The following TARS3 variants were observed in gnomAD, a reference collection of about 807,000 sequenced individuals.
TARS3 encodes threonyl-tRNA synthetase 3, also known as threonine--tRNA ligase 2, cytoplasmic.
A neutral mutation model predicts 103.5 loss-of-function variants in TARS3; 94 were observed. The ratio of observed to expected loss-of-function variants is 0.91; its 90% CI spans 0.77 to 1.08. The LOEUF (loss-of-function observed/expected upper bound fraction) is 1.08. TARS3 is among the 50% of genes least tolerant of loss of function. The pLI, the probability that TARS3 is intolerant of heterozygous loss-of-function variation, is 0.00. For synonymous variants in TARS3, 416 were observed against 355.4 expected, an observed-to-expected ratio of 1.17 and a Z score of -1.92; for missense variants, 952 against 995.2, an observed-to-expected ratio of 0.96 and a Z score of 0.58.
intron 10 of TARS3, among the ~76,000 whole-genome samples, chr15:101,700,642 AC>A (rs947930740): frequency 3.5e-5 from 5 of 144,474 alleles, no homozygotes; most frequent in African/African-American, 1.0e-4. Context: ...CTAGTACCTC[AC>A]TTTTTTTTTT....
Position 101,701,080 on chromosome 15 carries a change from A to G in TARS3, c.1320+6T>C. 6.6e-7 allele frequency: 1 copy of G among 1,508,072 alleles called. No individual in the cohort carries two copies. The highest frequency in any genetic ancestry group is 1.3e-5 in the South Asian group (1 of 76,788). 93.4% of individuals were successfully genotyped at this position (1,508,072 alleles called of 1,614,324 possible). ...ATAAGAATAAAACATTTTAAAGTTA[A>G]CTTACTCGTATGAAATCTGTAAGCG... On this transcript the variant is annotated splice_donor_region_variant and intron_variant, in intron 10 of 18. Coordinates refer to ENST00000335968, the MANE Select transcript of TARS3 (RefSeq NM_152334.3).
At chr15:101,690,970 G>A (rs1596307913) in intron 10 of TARS3, among the ~76,000 whole-genome samples, 2 of 151,662 alleles carry the variant, frequency 1.3e-5, no homozygotes, top group Admixed American at 6.6e-5. Context: ...ATGGAGTCTC[G>A]CTCTGTCACA....
intron 10 of TARS3, among the ~76,000 whole-genome samples, chr15:101,695,324 A>G (rs1898917733): frequency 6.6e-6 from 1 of 152,100 alleles, no homozygotes; most frequent in Admixed American, 6.5e-5. Flanking sequence ...TAGTTTTGGC[A>G]TTTCTGAAAT....
intron 3 of TARS3, among the ~76,000 whole-genome samples, chr15:101,716,613 T>C (rs1385541264): frequency 2.0e-5 from 3 of 152,132 alleles, no homozygotes; most frequent in Non-Finnish European, 4.4e-5. Flanking sequence ...TATGGGTACT[T>C]TGGGGGACGA....
chr15:101,699,897 T>C (rs964945256), intron 10 of TARS3, among the ~76,000 whole-genome samples: 1 of 152,072 alleles, frequency 6.6e-6, no homozygotes, highest in African/African-American at 2.4e-5. Context: ...CGAAGAGATA[T>C]ACAGGGACCA....
chr15:101,715,875 C>T (rs1442743029), intron 3 of TARS3, among the ~76,000 whole-genome samples: 1 of 152,102 alleles, frequency 6.6e-6, no homozygotes, highest in Non-Finnish European at 1.5e-5. Flanking sequence ...TTTCTGATGT[C>T]AATTGAACGC....
chr15:101,671,077 G>A (rs1246228488), intron 15 of TARS3, among the ~76,000 whole-genome samples: 1 of 149,808 alleles, frequency 6.7e-6, no homozygotes, highest in Non-Finnish European at 1.5e-5. Context: ...CACACACACA[G>A]AGTTAATTTT....
intron 9 of TARS3, among the ~76,000 whole-genome samples, chr15:101,701,830 C>T (rs1899298013): frequency 6.6e-6 from 1 of 152,040 alleles, no homozygotes; most frequent in Non-Finnish European, 1.5e-5. Context: ...GGCTGGAGTG[C>T]AGTGGAGCGA....
At chr15:101,656,050 C>A in intron 18 of TARS3, 1 of 1,289,104 alleles carries the variant, frequency 7.8e-7, no homozygotes, top group South Asian at 1.2e-5. Flanking sequence ...GGTAGATATT[C>A]AAGAGAAGCA....
At chr15:101,720,847 T>C (rs1427523944) in intron 3 of TARS3, among the ~76,000 whole-genome samples, 2 of 152,018 alleles carry the variant, frequency 1.3e-5, no homozygotes, top group Non-Finnish European at 2.9e-5. Context: ...TAAGGGGTTT[T>C]CCCCCCACTT....
rs761966340 is a variant in TARS3, at chr15:101,721,138, G to C, written c.554C>G (p.Ala185Gly). The stretch of plus-strand genomic sequence containing the variant: ...CACTGCGGTTTACCTAATTTCAGCA[G>C]CCACTTGGTAAGGCGTTGTTTTCCA... ...EVWKTTPYQV[A>G]AEISQELAES... is the part of the protein sequence containing the mutation. The change falls in exon 3 of 19, where the codon GCT (alanine) becomes GGT (glycine). Residue 185 changes from alanine to glycine, a missense_variant. Physicochemically the swap from Ala to Gly is moderately conservative, Grantham distance 60. This residue lies in a region of TARS3 where 412 missense variants were observed against 364.2 expected (regional missense o/e 1.13). Transcript: ENST00000335968. The C allele has an allele frequency of 1.3e-6, 2 of 1,594,704 alleles. No individual in the cohort carries two copies. Among genetic ancestry groups the C allele is most frequent in the South Asian group, 2.2e-5 (2 of 90,290 alleles).
chr15:101,714,915 C>T lies in TARS3; in HGVS notation c.615G>A (p.Leu205=). The T allele has an allele frequency of 6.2e-7, 1 of 1,613,284 alleles. No homozygotes were observed. The highest frequency in any genetic ancestry group is 8.5e-7 in the Non-Finnish European group (1 of 1,179,496). ...STVIAKVNGE[L]WDLDRPLEGD... Reference sequence around the variant, plus strand: ...CTTCCAATGGGCGGTCCAGGTCCCACAGTTCACCATTGACTTTGGCTATTA... The same window carrying T: ...CTTCCAATGGGCGGTCCAGGTCCCATAGTTCACCATTGACTTTGGCTATTA... The change falls in exon 4 of 19, where the codon CTG becomes CTA. Residue 205 remains leucine (L), a synonymous_variant. Transcript: ENST00000335968.
rs1176825446 is a variant in TARS3, at chr15:101,675,772, C to T, written c.1651-35G>A. 3.2e-6 allele frequency: 5 copies of T among 1,579,802 alleles called. No homozygotes were observed. In the South Asian group the frequency reaches 5.7e-5, roughly 18 times the overall value. On this transcript the variant is annotated intron_variant, in intron 12 of 18. Coordinates refer to ENST00000335968, the MANE Select transcript of TARS3 (RefSeq NM_152334.3). ...AAGCAAATGAAACATTCAAATAGAA[C>T]ATCAAATTCATTTATGTTTTAAAAA...
chr15:101,698,085 C>T (rs571774070), intron 10 of TARS3, among the ~76,000 whole-genome samples: 1 of 152,142 alleles, frequency 6.6e-6, no homozygotes, highest in African/African-American at 2.4e-5. Flanking sequence ...GCCTGTAATC[C>T]CAGCACTTTG....
At chr15:101,669,434 A>G (rs1897711377) in intron 15 of TARS3, among the ~76,000 whole-genome samples, 1 of 152,234 alleles carries the variant, frequency 6.6e-6, no homozygotes. Flanking sequence ...AATTATTTAA[A>G]TTTAGTGTAG....
intron 13 of TARS3, among the ~76,000 whole-genome samples, chr15:101,672,236 T>C (rs1273408858): frequency 6.6e-6 from 1 of 151,972 alleles, no homozygotes; most frequent in Non-Finnish European, 1.5e-5. Context: ...TCTGGGAGGG[T>C]CACTTATAAT....
At chr15:101,677,127 A>G (rs1048570697) in intron 12 of TARS3, among the ~76,000 whole-genome samples, 4 of 152,162 alleles carry the variant, frequency 2.6e-5, no homozygotes, top group African/African-American at 9.7e-5. Context: ...TTAAGTGTTA[A>G]CTCGACTGAG....
Position 101,684,230 on chromosome 15 carries a change from A to C in TARS3, c.1495T>G (p.Phe499Val). The change falls in exon 12 of 19, where the codon TTT becomes GTT. Residue 499 changes from phenylalanine (F) to valine (V), a missense_variant. By Grantham distance (50) the Phe-to-Val change is conservative. This residue lies in a region of TARS3 where 540 missense variants were observed against 631.0 expected (regional missense o/e 0.86). Transcript: ENST00000335968. ...PMNCPGHCLM[F>V]AHRPRSWREM... ...CTCCAAGATCGTGGACGATGGGCAA[A>C]CATTAGACTAGAAAAGATGTGGTAA... The C allele has an allele frequency of 2.5e-6, 4 of 1,613,574 alleles. No homozygotes were observed. The highest frequency in any genetic ancestry group is 3.4e-6 in the Non-Finnish European group (4 of 1,179,652).
chr15:101,661,956 T>G, intron 15 of TARS3, 140 bp from the exon 16 acceptor site: 1 of 490,824 alleles, frequency 2.0e-6, no homozygotes, highest in Non-Finnish European at 3.4e-6. Context: ...GTGACTGTCT[T>G]GTTTTCTCAT....
Sources: allele counts gnomAD v4.1 joint callset (sites outside exome capture counted in the v4.1 genomes callset), GRCh38; gene constraint gnomAD v4.1.1; regional missense constraint gnomAD v4.1.1; transcripts MANE v1.5; gene names NCBI Gene and HGNC (gene_info 2026-07-23, HGNC 2026-07-21).